The following RUFY3 variants were observed in gnomAD, a reference collection of about 807,000 sequenced individuals.
The protein encoded by RUFY3 is RUN and FYVE domain containing 3.
Under a neutral mutation model 84.0 loss-of-function variants are expected in RUFY3, and 34 were observed. The ratio of observed to expected loss-of-function variants is 0.40; its 90% CI spans 0.31 to 0.54. RUFY3 has a LOEUF of 0.54. RUFY3 is among the 20% of genes least tolerant of loss of function. The probability of loss-of-function intolerance (pLI) is 0.39; values close to 1 mark genes in which losing one functional copy is unlikely to be tolerated. For synonymous variants in RUFY3, 242 were observed against 252.9 expected (o/e 0.96, Z 0.41); for missense variants, 507 against 736.8 (o/e 0.69, Z 3.61).
chr4:70,749,905 C>T (rs560509290), intron 1 of RUFY3, among the ~76,000 whole-genome samples: 1 of 152,160 alleles, frequency 6.6e-6, no homozygotes, highest in East Asian at 1.9e-4. Context: ...ATCTGCCAGC[C>T]TCAGCCTCCC....
At chr4:70,734,583 A>G in intron 1 of RUFY3, 1 of 985,242 alleles carries the variant, frequency 1.0e-6, no homozygotes, top group Non-Finnish European at 1.2e-6. Context: ...CTGGCTAGTC[A>G]CCCTTTCAAG....
chr4:70,799,115 A>G (rs1278060444), intron 14 of RUFY3, among the ~76,000 whole-genome samples: 1 of 150,678 alleles, frequency 6.6e-6, no homozygotes, highest in Middle Eastern at 3.2e-3. Flanking sequence ...ACTGCACTCC[A>G]GCCTGGGCGA....
chr4:70,774,916 T>C (rs1254975942), intron 6 of RUFY3, among the ~76,000 whole-genome samples: 13 of 151,900 alleles, frequency 8.6e-5, no homozygotes, highest in Admixed American at 8.5e-4. Flanking sequence ...ACCTGTGACC[T>C]AAATTATTAA....
intron 1 of RUFY3, among the ~76,000 whole-genome samples, chr4:70,734,885 G>A (rs949421764): frequency 6.6e-6 from 1 of 152,128 alleles, no homozygotes; most frequent in Non-Finnish European, 1.5e-5. Context: ...AGCCTTTTCT[G>A]GACCTTTCGT....
intron 15 of RUFY3, among the ~76,000 whole-genome samples, chr4:70,802,319 A>G (rs1255885015): frequency 2.0e-5 from 3 of 152,204 alleles, no homozygotes; most frequent in Non-Finnish European, 4.4e-5. Context: ...TCAAGTGAAA[A>G]GAATAAGAAC....
chr4:70,801,292 A>C (rs1447232334), intron 15 of RUFY3, among the ~76,000 whole-genome samples: 1 of 151,252 alleles, frequency 6.6e-6, no homozygotes, highest in South Asian at 2.1e-4. Flanking sequence ...ACATGTCATT[A>C]TACATTTGAC....
intron 5 of RUFY3, 133 bp downstream of exon 5, chr4:70,768,794 T>G: frequency 1.2e-6 from 1 of 839,060 alleles, no homozygotes; most frequent in Non-Finnish European, 1.8e-6. Flanking sequence ...TCCATTTTGA[T>G]GGGAATATAA....
intron 1 of RUFY3, among the ~76,000 whole-genome samples, chr4:70,753,406 T>A (rs1276872540): frequency 6.6e-6 from 1 of 152,250 alleles, no homozygotes. Flanking sequence ...TAATCTTTAT[T>A]ATTTCCTTCC....
intron 16 of RUFY3, among the ~76,000 whole-genome samples, chr4:70,803,452 C>T (rs1732484772): frequency 6.8e-6 from 1 of 146,880 alleles, no homozygotes; most frequent in Non-Finnish European, 1.5e-5. Flanking sequence ...CTACTGCTTT[C>T]CTTTTTTTTT....
rs763596763 is a variant in RUFY3 at position 70,705,294 on chromosome 4, C to G, written c.358C>G (p.His120Asp). 9 of 1,403,102 alleles carry G rather than the reference C, an allele frequency of 6.4e-6. No homozygotes were observed. The South Asian group carries it at 1.4e-4, about 22-fold the overall frequency. The allele number at this position is 1,403,102 out of a possible 1,614,324, so 86.9% of individuals were successfully genotyped here. A position where few individuals can be genotyped will look rare whatever the true frequency, so the allele number is the denominator to read the frequency against. Residue 120 changes from histidine to aspartate, a missense_variant and splice_region_variant, in exon 1 of 12, where the codon CAT becomes GAT. His to Asp is a moderately conservative substitution (Grantham distance 81). Coordinates refer to the RUFY3 transcript ENST00000417478. ...CGGCAGCAGCGGCAGCGGCAAGCAC[C>G]GTGAGTGGCGGAGGGGCATGGGGAC... is the stretch of plus-strand genomic sequence containing the variant.
intron 12 of RUFY3, chr4:70,791,123 C>CT: frequency 2.4e-6 from 2 of 837,404 alleles, no homozygotes; most frequent in Non-Finnish European, 3.8e-6. Context: ...TGACTTATCT[C>CT]TTTGAGTATT....
At chr4:70,717,443 A>G (rs537624982), upstream of RUFY3, among the ~76,000 whole-genome samples, 2 of 152,162 alleles carry the variant, frequency 1.3e-5, no homozygotes, top group Non-Finnish European at 2.9e-5. Context: ...TGAACTTAAT[A>G]TGTAAGTTGG....
intron 1 of RUFY3, among the ~76,000 whole-genome samples, chr4:70,747,451 C>T (rs1722407565): frequency 1.3e-5 from 2 of 151,384 alleles, no homozygotes; most frequent in African/African-American, 4.9e-5. Context: ...TGTGCTGCCT[C>T]TCTGGTATAT....
chr4:70,764,650 C>T, intron 4 of RUFY3, 74 bp downstream of exon 4: 2 of 863,436 alleles, frequency 2.3e-6, no homozygotes, highest in South Asian at 1.7e-5. Flanking sequence ...CATATAAGTT[C>T]ACTATTTTTG....
chr4:70,758,497 TTAA>T (rs1216418420), intron 1 of RUFY3, among the ~76,000 whole-genome samples: 1 of 152,120 alleles, frequency 6.6e-6, no homozygotes, highest in African/African-American at 2.4e-5. Flanking sequence ...CACAAAAATG[TTAA>T]TAATAAGAAT....
chr4:70,729,473 G>GTGA (rs1257929265), intron 1 of RUFY3, among the ~76,000 whole-genome samples: 5 of 152,096 alleles, frequency 3.3e-5, no homozygotes, highest in African/African-American at 1.2e-4. Context: ...GGCCAGGCTG[G>GTGA]TCTCGAACTC....
At chr4:70,780,945 T>C (rs1457243852) in intron 8 of RUFY3, among the ~76,000 whole-genome samples, 1 of 152,058 alleles carries the variant, frequency 6.6e-6, no homozygotes, top group Admixed American at 6.6e-5. Context: ...TCATTTCCAT[T>C]TTGGGTTTAA....
chr4:70,789,083 A>T, intron 11 of RUFY3, 110 bp downstream of exon 11: 1 of 1,459,602 alleles, frequency 6.9e-7, no homozygotes. Context: ...AAAGAATCAC[A>T]TCTCATTTTG....
At chr4:70,705,339 T>G in intron 1 of RUFY3, 1 of 1,288,262 alleles carries the variant, frequency 7.8e-7, no homozygotes, top group Non-Finnish European at 9.9e-7. Flanking sequence ...GAAGGGAGCA[T>G]TCGGCTGGGG....
Sources: allele counts gnomAD v4.1 joint callset (sites outside exome capture counted in the v4.1 genomes callset), GRCh38; gene constraint gnomAD v4.1.1; transcripts MANE v1.5; gene names NCBI Gene and HGNC (gene_info 2026-07-23, HGNC 2026-07-21).